The following TAF1D variants were observed in gnomAD, a reference collection of about 807,000 sequenced individuals.
TAF1D encodes TATA box-binding protein-associated factor RNA polymerase I subunit D.
TAF1D carries 23 observed loss-of-function variants against 26.2 expected under a neutral mutation model. The ratio of observed to expected loss-of-function variants is 0.88; its 90% CI spans 0.63 to 1.25. The LOEUF is 1.25. Ranked by LOEUF, TAF1D falls within the 50% of genes most tolerant of loss-of-function variation. The probability of loss-of-function intolerance (pLI) is 0.00; values close to 1 mark genes in which losing one functional copy is unlikely to be tolerated. For missense variants in TAF1D, 299 were observed against 322.0 expected, an observed-to-expected ratio of 0.93 and a Z score of 0.55; for synonymous variants, 100 against 105.6, an observed-to-expected ratio of 0.95 and a Z score of 0.33.
downstream of TAF1D, chr11:93,731,418 T>C (rs1299747048): frequency 2.0e-6 from 1 of 490,910 alleles, no homozygotes; most frequent in African/African-American, 2.0e-5. Context: ...CATATCCGAA[T>C]TTGCTCTATG....
downstream of TAF1D, chr11:93,731,141 A>G (rs1454858147): frequency 2.1e-6 from 1 of 482,844 alleles, no homozygotes; most frequent in South Asian, 1.5e-5. Context: ...GATAAAAACC[A>G]TTACTTGCCA....
downstream of TAF1D, chr11:93,731,004 A>G: frequency 1.9e-6 from 1 of 518,650 alleles, no homozygotes. Flanking sequence ...GCTGATTGCT[A>G]GCAAAGTAGC....
chr11:93,740,533 G>C (rs1048893669), intron 1 of TAF1D, among the ~76,000 whole-genome samples: 1 of 144,332 alleles, frequency 6.9e-6, no homozygotes, highest in African/African-American at 2.6e-5. Flanking sequence ...TCAATCTCTT[G>C]TCTCATTCTG....
downstream of TAF1D, chr11:93,733,728 T>A: frequency 2.6e-6 from 1 of 383,654 alleles, no homozygotes; most frequent in Non-Finnish European, 5.1e-6. Flanking sequence ...CAGGATCACA[T>A]CTCACTGTAG....
chr11:93,733,545 G>A (rs750388419), downstream of TAF1D: 8 of 518,824 alleles, frequency 1.5e-5, no homozygotes, highest in South Asian at 8.4e-5. Context: ...TCTATGAGGC[G>A]TTTCCAACGA....
Position 93,736,273 on chromosome 11 carries a change from G to A in TAF1D, c.725C>T (p.Pro242Leu). 20 of 1,611,316 alleles carry A rather than the reference G, an allele frequency of 1.2e-5. No homozygotes were observed. Among genetic ancestry groups the A allele is most frequent in the Non-Finnish European group, 1.7e-5 (20 of 1,179,336 alleles). The change falls in exon 6 of 6, where the codon CCT (proline) becomes CTT (leucine). Residue 242 changes from proline (P) to leucine (L), a missense_variant. By Grantham distance (98) the Pro-to-Leu change is moderately conservative. Transcript: ENST00000448108. ...TTCTAAGTATACACTCAGTCTTACA[G>A]GGAATTCAGAACTTACTATGAAACT... Reference protein sequence around the residue: ...GDSFIVSSEFPVRLSVYLEEE... With the variant: ...GDSFIVSSEFLVRLSVYLEEE...
Position 93,735,676 on chromosome 11 carries a change from T to A in TAF1D, c.*485A>T. 4 of 999,558 alleles carry A rather than the reference T, an allele frequency of 4.0e-6. No homozygotes were observed. Among genetic ancestry groups the A allele is most frequent in the African/African-American group, 1.7e-5 (1 of 57,306 alleles). 61.9% of individuals were successfully genotyped at this position (999,558 alleles called of 1,614,324 possible). A position where few individuals can be genotyped will look rare whatever the true frequency, so the allele number is the denominator to read the frequency against. On this transcript the variant is annotated 3_prime_UTR_variant, in exon 6 of 6. Transcript: ENST00000448108. ...AGATCGAGACTCTGTCTAAAAAAAA[T>A]AGTATTAAAGATACTCTAAATTTGG...
rs1391794572 is a variant in TAF1D at position 93,741,415 on chromosome 11, T to C, written c.-121A>G. On this transcript the variant is annotated 5_prime_UTR_variant, in exon 1 of 6. Coordinates refer to ENST00000448108, the MANE Select transcript of TAF1D (RefSeq NM_024116.4). ...CGCGACTGGCCTGGTGTCCTAGAGCTCTGTACACACCACCCTCCCGACCTC... is the reference window on the plus strand; with the variant it reads ...CGCGACTGGCCTGGTGTCCTAGAGCCCTGTACACACCACCCTCCCGACCTC... 1 of 456,244 alleles carries C rather than the reference T, an allele frequency of 2.2e-6. No homozygotes were observed. The highest frequency in any genetic ancestry group is 1.5e-5 in the South Asian group (1 of 64,572). 28.3% of individuals were successfully genotyped at this position (456,244 alleles called of 1,614,324 possible). A position where few individuals can be genotyped will look rare whatever the true frequency, so the allele number is the denominator to read the frequency against.
chr11:93,738,179 C>A lies in TAF1D; in HGVS notation c.389G>T (p.Gly130Val), dbSNP rs758705344. The A allele has an allele frequency of 6.3e-7, 1 of 1,578,298 alleles. No individual in the cohort carries two copies. The change falls in exon 3 of 6, where the codon GGA (glycine) becomes GTA (valine). Residue 130 changes from glycine to valine, a missense_variant. By Grantham distance (109) the Gly-to-Val change is moderately radical. Coordinates refer to ENST00000448108, the MANE Select transcript of TAF1D (RefSeq NM_024116.4). Reference sequence around the variant, plus strand: ...TGATTCTAAAAATGGGAAGCCAGATCCTCTGCTTCTAAATTGTTTCTTCTT... The same window carrying A: ...TGATTCTAAAAATGGGAAGCCAGATACTCTGCTTCTAAATTGTTTCTTCTT... ...IDKKKQFRSR[G>V]SGFPFLESEN... is the part of the protein sequence containing the mutation.
chr11:93,741,073 G>A (rs1319927418), intron 1 of TAF1D, among the ~76,000 whole-genome samples: 2 of 152,206 alleles, frequency 1.3e-5, no homozygotes, highest in Admixed American at 6.5e-5. Context: ...GGTTAAACTT[G>A]TCCGCAACAC....
downstream of TAF1D, chr11:93,732,486 T>C (rs1939390409): frequency 1.9e-6 from 1 of 518,282 alleles, no homozygotes; most frequent in Non-Finnish European, 3.9e-6. Context: ...TGAGTGCAGA[T>C]ACCATGCAGT....
chr11:93,734,820 G>A, downstream of TAF1D: 3 of 1,149,026 alleles, frequency 2.6e-6, no homozygotes, highest in Non-Finnish European at 3.4e-6. Context: ...TTGTTACTCA[G>A]GCTGGAGTAC....
At chr11:93,739,983 GA>G (rs1387856005) in intron 1 of TAF1D, among the ~76,000 whole-genome samples, 4 of 86,614 alleles carry the variant, frequency 4.6e-5, no homozygotes, top group Admixed American at 1.2e-4. Context: ...AAAAAAAAAA[GA>G]AAAAGATTCC....
chr11:93,740,926 CAG>C (rs1382719010), intron 1 of TAF1D, among the ~76,000 whole-genome samples: 4 of 152,196 alleles, frequency 2.6e-5, no homozygotes, highest in African/African-American at 9.7e-5. Flanking sequence ...GCCACGTGGG[CAG>C]AGAGCGGCGC....
downstream of TAF1D, chr11:93,732,729 T>G (rs1004421250): frequency 1.9e-4 from 46 of 241,140 alleles, no homozygotes; most frequent in South Asian, 2.3e-3. Flanking sequence ...TACATGTAAC[T>G]TAACAGATCA....
At chr11:93,732,775 C>T (rs1939510545), downstream of TAF1D, 1 of 214,420 alleles carries the variant, frequency 4.7e-6, no homozygotes, top group Non-Finnish European at 9.6e-6. Context: ...GCTCAAACTG[C>T]CAGTTACACA....
At position 93,738,877 on chromosome 11, in the gene TAF1D, C is replaced by CTA. The variant is rs148226161; in HGVS notation, c.68+359_68+360insTA. 1,752 of 305,602 alleles carry CTA rather than the reference C, an allele frequency of 5.7e-3. 40 individuals carry two copies. In the East Asian group the frequency reaches 0.063, roughly 11 times the overall value. 18.9% of individuals were successfully genotyped at this position (305,602 alleles called of 1,614,324 possible). ...CCACTATGCTCAGCTTACAAAAAAA[C>CTA]TGTATCTTTCAAGACAATGTATGAG... On this transcript the variant is annotated intron_variant, in intron 2 of 5. Coordinates refer to ENST00000448108, the MANE Select transcript of TAF1D (RefSeq NM_024116.4).
chr11:93,738,955 A>C, intron 2 of TAF1D: 1 of 457,390 alleles, frequency 2.2e-6, no homozygotes, highest in East Asian at 4.1e-5. Context: ...GAGTAAAACA[A>C]ACACAGCCTA....
In TAF1D at chr11:93,736,690, T is replaced by C; in HGVS notation, c.693+4A>G. On this transcript the variant is annotated splice_donor_region_variant and intron_variant, in intron 5 of 5. Coordinates refer to ENST00000448108, the MANE Select transcript of TAF1D (RefSeq NM_024116.4). ...ATGGAATAGGAAAAAAATAAGTCACTTACTGCCAATTTGATATCACATTCG... is the reference window on the plus strand; with the variant it reads ...ATGGAATAGGAAAAAAATAAGTCACCTACTGCCAATTTGATATCACATTCG... The C allele has an allele frequency of 6.2e-7, 1 of 1,611,302 alleles. No individual in the cohort carries two copies. The highest frequency in any genetic ancestry group is 2.2e-5 in the East Asian group (1 of 44,652).
Sources: allele counts gnomAD v4.1 joint callset (sites outside exome capture counted in the v4.1 genomes callset), GRCh38; gene constraint gnomAD v4.1.1; transcripts MANE v1.5; gene names NCBI Gene and HGNC (gene_info 2026-07-23, HGNC 2026-07-21).